The following DNM3 variants were observed in gnomAD, a reference collection of about 807,000 sequenced individuals.
DNM3 encodes the protein dynamin 3, also known as dynamin-3.
Under a neutral mutation model 101.6 loss-of-function variants are expected in DNM3, and 47 were observed. That is an observed-to-expected ratio of 0.46 (90% CI 0.37 to 0.59). The LOEUF is 0.59. Among genes scored for constraint, DNM3 ranks in the 20% least tolerant of loss-of-function variants. The pLI, the probability that DNM3 is intolerant of heterozygous loss-of-function variation, is 0.00. For missense variants in DNM3, 849 were observed against 1,085.7 expected, an observed-to-expected ratio of 0.78 and a Z score of 3.06; for synonymous variants, 385 against 387.9, an observed-to-expected ratio of 0.99 and a Z score of 0.09.
intron 2 of DNM3, among the ~76,000 whole-genome samples, chr1:171,975,238 C>G (rs955264075): frequency 6.6e-6 from 1 of 152,098 alleles, no homozygotes; most frequent in African/African-American, 2.4e-5. Flanking sequence ...TCTACCATTT[C>G]TAAGCAAAAG....
intron 17 of DNM3, among the ~76,000 whole-genome samples, chr1:172,374,433 T>C (rs989615338): frequency 2.0e-5 from 3 of 152,068 alleles, no homozygotes; most frequent in African/African-American, 7.2e-5. Flanking sequence ...TGATTATAGC[T>C]GCTTTTTTAA....
At chr1:171,848,887 A>G (rs2032564540) in intron 1 of DNM3, among the ~76,000 whole-genome samples, 1 of 152,216 alleles carries the variant, frequency 6.6e-6, no homozygotes, top group African/African-American at 2.4e-5. Flanking sequence ...TGAATGATAC[A>G]GGATTGCTTT....
intron 1 of DNM3, among the ~76,000 whole-genome samples, chr1:171,870,325 G>T (rs1228444466): frequency 6.6e-6 from 1 of 151,974 alleles, no homozygotes; most frequent in Admixed American, 6.6e-5. Flanking sequence ...TTTTAGGTGG[G>T]ACCAATTACA....
intron 17 of DNM3, among the ~76,000 whole-genome samples, chr1:172,335,291 A>C (rs922767600): frequency 6.6e-6 from 1 of 152,152 alleles, no homozygotes; most frequent in African/African-American, 2.4e-5. Context: ...TAAAGGCATA[A>C]ACTTTTACAC....
At chr1:172,226,112 C>T (rs1311588102) in intron 14 of DNM3, among the ~76,000 whole-genome samples, 4 of 151,958 alleles carry the variant, frequency 2.6e-5, no homozygotes, top group African/African-American at 9.7e-5. Flanking sequence ...TAATTGCATC[C>T]AATAATCACC....
At chr1:172,065,306 C>G (rs1017017547) in intron 10 of DNM3, among the ~76,000 whole-genome samples, 3 of 152,114 alleles carry the variant, frequency 2.0e-5, no homozygotes, top group Non-Finnish European at 4.4e-5. Flanking sequence ...CAAATGCTTG[C>G]GTAGTTACTT....
chr1:172,354,239 C>T (rs1417404474), intron 17 of DNM3, among the ~76,000 whole-genome samples: 1 of 151,838 alleles, frequency 6.6e-6, no homozygotes, highest in Non-Finnish European at 1.5e-5. Context: ...GTCTCTTGAC[C>T]AGGAAGAGTT....
intron 14 of DNM3, chr1:172,132,805 C>T (rs192490177): frequency 1.4e-6 from 1 of 699,964 alleles, no homozygotes; most frequent in Non-Finnish European, 2.6e-6. Context: ...TACTACTATC[C>T]CTATTGTTGA....
chr1:172,369,833 G>T (rs2068229145), intron 17 of DNM3, among the ~76,000 whole-genome samples: 1 of 152,026 alleles, frequency 6.6e-6, no homozygotes, highest in South Asian at 2.1e-4. Context: ...CAAGATAAAT[G>T]TATTTTTCAC....
At chr1:171,930,001 C>T (rs1051934278) in intron 2 of DNM3, among the ~76,000 whole-genome samples, 2 of 152,088 alleles carry the variant, frequency 1.3e-5, no homozygotes, top group African/African-American at 4.8e-5. Flanking sequence ...GGTTTCAAAT[C>T]TCTGTGGGCT....
chr1:171,955,391 CT>C (rs2042786649), intron 2 of DNM3, among the ~76,000 whole-genome samples: 1 of 152,114 alleles, frequency 6.6e-6, no homozygotes, highest in Non-Finnish European at 1.5e-5. Context: ...AATCAACTCA[CT>C]TTTTTCCAAT....
chr1:172,091,561 T>C (rs891387147), intron 12 of DNM3, among the ~76,000 whole-genome samples: 2 of 151,982 alleles, frequency 1.3e-5, no homozygotes, highest in Non-Finnish European at 2.9e-5. Flanking sequence ...AATGGGAGTG[T>C]ATTGGGTGGG....
chr1:172,278,328 G>T (rs1427266488), intron 15 of DNM3, among the ~76,000 whole-genome samples: 1 of 151,932 alleles, frequency 6.6e-6, no homozygotes, highest in Non-Finnish European at 1.5e-5. Context: ...TAATGCAGGG[G>T]TGCCCAATCT....
intron 15 of DNM3, among the ~76,000 whole-genome samples, chr1:172,293,029 C>G (rs755523713): frequency 6.6e-6 from 1 of 152,144 alleles, no homozygotes; most frequent in Non-Finnish European, 1.5e-5. Flanking sequence ...GCCGACTGTG[C>G]GTGTAGCCTC....
chr1:172,392,640 C>G (rs1049598726), intron 20 of DNM3, among the ~76,000 whole-genome samples: 4 of 152,172 alleles, frequency 2.6e-5, no homozygotes, highest in African/African-American at 9.7e-5. Flanking sequence ...TTTTTCCTGG[C>G]AATAATGAAC....
chr1:172,093,676 A>G (rs747020053), intron 13 of DNM3: 4 of 1,603,724 alleles, frequency 2.5e-6, no homozygotes, highest in African/African-American at 1.3e-5. Flanking sequence ...ACTAAAGCAT[A>G]TAATTCTTTG....
chr1:171,925,075 A>G (rs1204405770), intron 2 of DNM3, among the ~76,000 whole-genome samples: 1 of 144,574 alleles, frequency 6.9e-6, no homozygotes, highest in Non-Finnish European at 1.5e-5. Context: ...AATTTTTTGT[A>G]TTTTTAGTAG....
chr1:171,841,820 A>G lies in DNM3; in HGVS notation c.161+3A>G, dbSNP rs12239702. On this transcript the variant is annotated splice_donor_region_variant and intron_variant, in intron 1 of 20. Coordinates refer to ENST00000627582, the MANE Select transcript of DNM3 (RefSeq NM_015569.5). ...GTGCTCGAGAACTTCGTGGGCAGGTAAGCGCGCAGGGCGCGGAGTAAGGAT... is the reference window on the plus strand; with the variant it reads ...GTGCTCGAGAACTTCGTGGGCAGGTGAGCGCGCAGGGCGCGGAGTAAGGAT... The G allele has an allele frequency of 0.58, 925,268 of 1,604,538 alleles. 269,094 individuals are homozygous for G. Among genetic ancestry groups the G allele is most frequent in the East Asian group, 0.79 (35,114 of 44,638 alleles).
chr1:172,324,288 G>A (rs1041551013), intron 17 of DNM3, among the ~76,000 whole-genome samples: 3 of 152,046 alleles, frequency 2.0e-5, no homozygotes, highest in Non-Finnish European at 2.9e-5. Flanking sequence ...AGAGTTGGCC[G>A]GCATATTCAA....
Sources: gnomAD v4.1 joint callset for allele counts (sites outside exome capture counted in the v4.1 genomes callset) on GRCh38, gnomAD v4.1.1 for gene constraint, MANE v1.5 for transcripts, NCBI Gene and HGNC (gene_info 2026-07-23, HGNC 2026-07-21) for gene names.